Variants in MYT1L observed in about 807,000 individuals in gnomAD.
The protein encoded by MYT1L is myelin transcription factor 1-like protein.
Under a neutral mutation model 126.7 loss-of-function variants are expected in MYT1L, and 12 were observed. The observed-to-expected ratio is 0.09, with a 90% confidence interval of 0.06 to 0.15. MYT1L has a LOEUF of 0.15. Among genes scored for constraint, MYT1L ranks in the 10% least tolerant of loss-of-function variants. MYT1L has a pLI of 1.00. For missense variants in MYT1L, 979 were observed against 1,585.2 expected (o/e 0.62, Z 6.49); for synonymous variants, 541 against 604.2 (o/e 0.90, Z 1.53).
At chr2:1,907,937 A>C (rs1333827117) in intron 13 of MYT1L, among the ~76,000 whole-genome samples, 1 of 152,240 alleles carries the variant, frequency 6.6e-6, no homozygotes, top group Non-Finnish European at 1.5e-5. Flanking sequence ...AGGGCCCAGC[A>C]CCCAGCGCCT....
At chr2:2,192,674 C>A (rs1303994038) in intron 2 of MYT1L, among the ~76,000 whole-genome samples, 1 of 152,128 alleles carries the variant, frequency 6.6e-6, no homozygotes, top group East Asian at 1.9e-4. Context: ...TTGATCCTAG[C>A]AGAGCACAAA....
At chr2:2,161,097 G>A (rs2087828373) in intron 3 of MYT1L, among the ~76,000 whole-genome samples, 1 of 152,062 alleles carries the variant, frequency 6.6e-6, no homozygotes, top group Non-Finnish European at 1.5e-5. Context: ...GGTGCGTTCT[G>A]TAGTCCCAGC....
chr2:1,922,555 C>A lies in MYT1L; in HGVS notation c.1214G>T (p.Cys405Phe), dbSNP rs375573806. The change falls in exon 10 of 25, where the codon TGT (cysteine) becomes TTT (phenylalanine). Residue 405 changes from cysteine (C) to phenylalanine (F), a missense_variant. Around this residue, in one of 12 missense-constraint regions of MYT1L, gnomAD observed 243 missense variants for 363.9 expected, o/e 0.67. Coordinates refer to ENST00000647738, the MANE Select transcript of MYT1L (RefSeq NM_001303052.2). The surrounding 1 kb of genome is among the most constrained non-coding windows in gnomAD (Gnocchi z 7.4). ...GGTGGTATCGTCGTCCCGCTCATGA[C>A]ACCCATCCTCCTTCGCACAGCTGGC... ...VFASCAKEDG[C>F]HERDDDTTSV... The A allele has an allele frequency of 6.2e-7, 1 of 1,614,016 alleles. No homozygotes were observed. The highest frequency in any genetic ancestry group is 8.5e-7 in the Non-Finnish European group (1 of 1,179,902).
At chr2:1,837,996 C>T (rs1356181649) in intron 21 of MYT1L, among the ~76,000 whole-genome samples, 2 of 151,740 alleles carry the variant, frequency 1.3e-5, no homozygotes, top group African/African-American at 4.8e-5. Flanking sequence ...ACTGCAACCT[C>T]CGCCCCCTGG....
intron 2 of MYT1L, among the ~76,000 whole-genome samples, chr2:2,203,913 A>T (rs1431782838): frequency 1.1e-4 from 16 of 152,210 alleles, no homozygotes; most frequent in African/African-American, 3.9e-4. Flanking sequence ...CAAAACAGAG[A>T]TATAGACCAA....
chr2:1,854,082 T>C (rs568583428), intron 18 of MYT1L, among the ~76,000 whole-genome samples: 15 of 152,302 alleles, frequency 9.8e-5, no homozygotes, highest in Non-Finnish European at 1.9e-4. Flanking sequence ...TTTCCCAATT[T>C]ATATCTTAAA....
chr2:1,933,447 G>A (rs943895487), intron 9 of MYT1L, among the ~76,000 whole-genome samples: 5 of 152,308 alleles, frequency 3.3e-5, no homozygotes, highest in East Asian at 1.9e-4. Flanking sequence ...TGTTAATGTC[G>A]CTTCACTTTG....
chr2:2,004,928 ATTCTTTCCTGCATGCG>A lies in MYT1L; in HGVS notation c.-157-7597_-157-7582del, dbSNP rs1216150794. Among the ~76,000 whole-genome samples, 607 of 89,886 alleles carry A rather than the reference ATTCTTTCCTGCATGCG, an allele frequency of 6.8e-3. 1 individual carries two copies. The highest frequency in any genetic ancestry group is 8.4e-3 in the Non-Finnish European group (372 of 44,314). The allele number at this position is 89,886 out of a possible 152,430, so 59.0% of individuals were successfully genotyped here. A position where few individuals can be genotyped will look rare whatever the true frequency, so the allele number is the denominator to read the frequency against. On this transcript the variant is annotated intron_variant, in intron 4 of 24. Transcript: ENST00000647738. ...CCTGCATGCGTTCTTTCCTGCAGGCATTCTTTCCTGCATGCGTTCTTTCCTGCATGCGTTCTTTCCT... is the reference window on the plus strand; with the variant it reads ...CCTGCATGCGTTCTTTCCTGCAGGCATTCTTTCCTGCATGCGTTCTTTCCT...
chr2:2,166,555 T>G (rs1367449673), intron 3 of MYT1L, among the ~76,000 whole-genome samples: 1 of 152,234 alleles, frequency 6.6e-6, no homozygotes. Flanking sequence ...CTATGGATCC[T>G]CAGTCTCCTT....
At chr2:1,881,638 G>A (rs1156652673) in intron 18 of MYT1L, among the ~76,000 whole-genome samples, 1 of 152,148 alleles carries the variant, frequency 6.6e-6, no homozygotes, top group Non-Finnish European at 1.5e-5. Flanking sequence ...GCATTCAGCT[G>A]ATTGTGAGGA....
intron 3 of MYT1L, among the ~76,000 whole-genome samples, chr2:2,088,124 C>T (rs1338123487): frequency 6.6e-6 from 1 of 152,194 alleles, no homozygotes; most frequent in African/African-American, 2.4e-5. Context: ...CTCGTTACAG[C>T]ACTAGAGCTG....
chr2:1,906,667 T>A (rs944562640), intron 13 of MYT1L, among the ~76,000 whole-genome samples: 1 of 152,190 alleles, frequency 6.6e-6, no homozygotes, highest in Non-Finnish European at 1.5e-5. Flanking sequence ...TTAGCCGATT[T>A]ACTTCTTGTC....
At chr2:1,839,977 GAC>G (rs1422375810) in intron 20 of MYT1L, among the ~76,000 whole-genome samples, 2 of 152,232 alleles carry the variant, frequency 1.3e-5, no homozygotes, top group African/African-American at 4.8e-5. Context: ...GCAGGACCAA[GAC>G]ACACACCAGG....
At chr2:1,818,920 CGCCTCG>C (rs2038103776) in intron 21 of MYT1L, among the ~76,000 whole-genome samples, 1 of 152,186 alleles carries the variant, frequency 6.6e-6, no homozygotes, top group African/African-American at 2.4e-5. Context: ...GGCAGGTGGA[CGCCTCG>C]GCCACAGCCA....
rs1161865502 is a variant in MYT1L at position 2,059,852 on chromosome 2, C to T, written c.-303-5729G>A. On this transcript the variant is annotated intron_variant, in intron 3 of 24. Transcript: ENST00000647738. The surrounding 1 kb of genome is among the most constrained non-coding windows in gnomAD (Gnocchi z 4.7). ...GTTTTGTAGGAAGCTTTGGAGGCTG[C>T]AACACATCTTGTGTTATGGTTTTCT... 6.6e-6 allele frequency among the ~76,000 whole-genome samples: 1 copy of T among 152,112 alleles called. No individual in the cohort carries two copies. The highest frequency in any genetic ancestry group is 2.4e-5 in the African/African-American group (1 of 41,404).
chr2:1,917,485 T>C lies in MYT1L; in HGVS notation c.1484-146A>G, dbSNP rs2053011502. On this transcript the variant is annotated intron_variant, in intron 10 of 24. Transcript: ENST00000647738. This position sits in a 1 kb window ranked among gnomAD's most constrained non-coding sequence, Gnocchi z 5.9. Reference sequence around the variant, plus strand: ...CTGTGACATCAGACTTTTGCTTAGATAGTTCTTTGGTTTTGGGTGACTTTT... The same window carrying C: ...CTGTGACATCAGACTTTTGCTTAGACAGTTCTTTGGTTTTGGGTGACTTTT... 2 of 944,514 alleles carry C rather than the reference T, an allele frequency of 2.1e-6. No homozygotes were observed. Among genetic ancestry groups the C allele is most frequent in the Non-Finnish European group, 3.1e-6 (2 of 635,792 alleles). The allele number at this position is 944,514 out of a possible 1,614,324, so 58.5% of individuals were successfully genotyped here.
intron 16 of MYT1L, among the ~76,000 whole-genome samples, chr2:1,888,783 C>T (rs2048462226): frequency 6.6e-6 from 1 of 152,166 alleles, no homozygotes; most frequent in South Asian, 2.1e-4. Flanking sequence ...AGGCTAAACT[C>T]TTTTGAGTAC....
At chr2:2,131,290 T>C (rs1383833126) in intron 3 of MYT1L, among the ~76,000 whole-genome samples, 1 of 152,214 alleles carries the variant, frequency 6.6e-6, no homozygotes, top group Non-Finnish European at 1.5e-5. Flanking sequence ...CACCACTTAG[T>C]GCACAGATGC....
At chr2:1,879,488 C>T (rs2047290343) in intron 18 of MYT1L, among the ~76,000 whole-genome samples, 1 of 152,080 alleles carries the variant, frequency 6.6e-6, no homozygotes, top group South Asian at 2.1e-4. Flanking sequence ...GCCCAGAATT[C>T]CTCCAAATTA....
Sources: allele counts gnomAD v4.1 joint callset (sites outside exome capture counted in the v4.1 genomes callset), GRCh38; gene constraint gnomAD v4.1.1; regional missense constraint gnomAD v4.1.1; non-coding constraint Gnocchi (gnomAD v3.1); transcripts MANE v1.5; gene names NCBI Gene and HGNC (gene_info 2026-07-23, HGNC 2026-07-21).